NCAM1: variants seen among roughly 807,000 people sequenced by gnomAD.
NCAM1 encodes neural cell adhesion molecule 1.
A neutral mutation model predicts 109.8 loss-of-function variants in NCAM1; 14 were observed. The observed-to-expected ratio is 0.13, with a 90% confidence interval of 0.08 to 0.20. The LOEUF is 0.20. NCAM1 is among the 10% of genes least tolerant of loss of function. The pLI is 1.00. For missense variants in NCAM1, 774 were observed against 1,109.9 expected, an observed-to-expected ratio of 0.70 and a Z score of 4.30; for synonymous variants, 418 against 442.9, an observed-to-expected ratio of 0.94 and a Z score of 0.70.
chr11:113,275,096 C>T lies in NCAM1; in HGVS notation c.2457-171C>T, dbSNP rs183994534. Among the ~76,000 whole-genome samples the T allele has an allele frequency of 2.0e-4, 31 of 152,304 alleles. No individual in the cohort carries two copies. The East Asian group carries it at 3.5e-3, about 17-fold the overall frequency. On this transcript the variant is annotated intron_variant, in intron 19 of 19. Transcript: ENST00000316851. ...AATCAGGATTTCCGCGAACACAGCTCGGGCTTGGGTGATTTTTAGTGCTCC... is the reference window on the plus strand; with the variant it reads ...AATCAGGATTTCCGCGAACACAGCTTGGGCTTGGGTGATTTTTAGTGCTCC...
chr11:113,235,710 C>T (rs1007521758), intron 14 of NCAM1, among the ~76,000 whole-genome samples: 1 of 152,190 alleles, frequency 6.6e-6, no homozygotes, highest in Non-Finnish European at 1.5e-5. Flanking sequence ...CTTTTCTGCT[C>T]CTCTCCCTCC....
At chr11:113,039,789 A>G (rs1206841498) in intron 1 of NCAM1, among the ~76,000 whole-genome samples, 1 of 152,226 alleles carries the variant, frequency 6.6e-6, no homozygotes, top group Admixed American at 6.5e-5. Flanking sequence ...TTTTAATAAT[A>G]TATTCTGTTC....
intron 1 of NCAM1, among the ~76,000 whole-genome samples, chr11:113,018,815 A>T (rs11214460): frequency 0.14 from 20,741 of 152,102 alleles, 1,775 homozygotes; most frequent in South Asian, 0.4. Flanking sequence ...GTCATTATAA[A>T]ATTGCTAGGT....
Position 113,068,710 on chromosome 11 carries a change from A to T in NCAM1, c.52+107046A>T, listed in dbSNP as rs549121728. ...GTAAACATTCTACCAAAAGGATCTC[A>T]TTTCGAAACCAGGCCCTGCTTGTGA... is the stretch of plus-strand genomic sequence containing the variant. On this transcript the variant is annotated intron_variant, in intron 1 of 19. Transcript: ENST00000316851. 1.2e-4 allele frequency among the ~76,000 whole-genome samples: 19 copies of T among 152,126 alleles called. No individual in the cohort carries two copies. In the South Asian group the frequency reaches 4.0e-3, roughly 32 times the overall value.
chr11:113,024,253 G>A (rs1474680723), intron 1 of NCAM1, among the ~76,000 whole-genome samples: 2 of 152,162 alleles, frequency 1.3e-5, no homozygotes, highest in African/African-American at 4.8e-5. Context: ...TTCAAAGTTA[G>A]GGTAATTTGT....
intron 1 of NCAM1, among the ~76,000 whole-genome samples, chr11:113,008,586 A>G (rs1951949867): frequency 6.6e-6 from 1 of 152,164 alleles, no homozygotes; most frequent in African/African-American, 2.4e-5. Flanking sequence ...CTGCTTCTCA[A>G]AATTATGGTT....
intron 1 of NCAM1, among the ~76,000 whole-genome samples, chr11:113,085,467 A>C (rs1939037271): frequency 6.6e-6 from 1 of 152,222 alleles, no homozygotes; most frequent in African/African-American, 2.4e-5. Flanking sequence ...TGATGGATAT[A>C]GACAACATGA....
chr11:113,214,954 T>A (rs1310257481), intron 8 of NCAM1, among the ~76,000 whole-genome samples: 1 of 152,264 alleles, frequency 6.6e-6, no homozygotes, highest in Non-Finnish European at 1.5e-5. Flanking sequence ...ATACTCATGC[T>A]ATATATGCAC....
chr11:113,228,881 T>C (rs1246307986), intron 9 of NCAM1, among the ~76,000 whole-genome samples: 2 of 152,214 alleles, frequency 1.3e-5, no homozygotes, highest in African/African-American at 2.4e-5. Context: ...GCTAGCCATA[T>C]GTAGAAAGCT....
chr11:113,163,310 A>G (rs1461669910), intron 1 of NCAM1, among the ~76,000 whole-genome samples: 2 of 152,220 alleles, frequency 1.3e-5, no homozygotes, highest in Non-Finnish European at 2.9e-5. Flanking sequence ...AAAACCACCC[A>G]TGCTGCTGTT....
At chr11:113,239,062 G>A (rs560897404) in intron 14 of NCAM1, among the ~76,000 whole-genome samples, 2 of 152,322 alleles carry the variant, frequency 1.3e-5, no homozygotes, top group South Asian at 4.1e-4. Flanking sequence ...GCAGGGATGA[G>A]CAGGGGGAGC....
chr11:113,174,677 T>C (rs1438812198), intron 1 of NCAM1, among the ~76,000 whole-genome samples: 1 of 152,194 alleles, frequency 6.6e-6, no homozygotes, highest in East Asian at 1.9e-4. Flanking sequence ...AAAATTCATA[T>C]ATAGTATGCT....
Position 113,232,291 on chromosome 11 carries a change from G to A in NCAM1, c.1362G>A (p.Leu454=). Residue 454 remains leucine (L), a synonymous_variant, in exon 11 of 20, where the codon CTG becomes CTA. Transcript: ENST00000316851. ...ATISWFRDGQ[L]LPSSNYSNIK... is the part of the protein sequence containing the mutation. Reference sequence around the variant, plus strand: ...TCTCATGGTTTCGGGATGGCCAGCTGCTGCCAAGCTCCAATTACAGCAATA... The same window carrying A: ...TCTCATGGTTTCGGGATGGCCAGCTACTGCCAAGCTCCAATTACAGCAATA... The A allele has an allele frequency of 6.2e-7, 1 of 1,613,888 alleles. No homozygotes were observed. The highest frequency in any genetic ancestry group is 8.5e-7 in the Non-Finnish European group (1 of 1,179,836).
At chr11:113,231,420 AT>A in intron 9 of NCAM1, 1 of 1,028,604 alleles carries the variant, frequency 9.7e-7, no homozygotes, top group Non-Finnish European at 1.4e-6. Context: ...ACTGAGTCTC[AT>A]TTTCTGTTTC....
chr11:113,114,109 G>A (rs1031991499), intron 1 of NCAM1, among the ~76,000 whole-genome samples: 1 of 152,206 alleles, frequency 6.6e-6, no homozygotes, highest in African/African-American at 2.4e-5. Flanking sequence ...TTTGCCTTGT[G>A]TGATTTGATG....
intron 1 of NCAM1, among the ~76,000 whole-genome samples, chr11:113,196,695 G>T (rs1943864829): frequency 6.6e-6 from 1 of 152,140 alleles, no homozygotes; most frequent in Non-Finnish European, 1.5e-5. Context: ...CTAATAGGTG[G>T]CAGAGCTGAG....
At chr11:113,084,727 G>A (rs1555087913) in intron 1 of NCAM1, among the ~76,000 whole-genome samples, 3 of 152,168 alleles carry the variant, frequency 2.0e-5, no homozygotes, top group African/African-American at 7.2e-5. Context: ...AGACAGCTTA[G>A]CATTGTGGCT....
At chr11:113,226,783 A>G (rs1944864215) in intron 9 of NCAM1, among the ~76,000 whole-genome samples, 1 of 152,202 alleles carries the variant, frequency 6.6e-6, no homozygotes, top group African/African-American at 2.4e-5. Flanking sequence ...AACTCACTCA[A>G]AACCGCTCAA....
In NCAM1 at chr11:113,264,669, G is replaced by A. The variant is rs147179804; in HGVS notation, c.2131+4346G>A. Reference sequence around the variant, plus strand: ...TGATCCCAGGACCACCCACAGGAGAGGGGCAGTGTCCATCTTTCTGAAGGG... The same window carrying A: ...TGATCCCAGGACCACCCACAGGAGAAGGGCAGTGTCCATCTTTCTGAAGGG... On this transcript the variant is annotated intron_variant, in intron 17 of 19. Transcript: ENST00000316851. The A allele has an allele frequency of 8.7e-3, 8,616 of 985,522 alleles. 49 individuals are homozygous for A. The highest frequency in any genetic ancestry group is 9.6e-3 in the Non-Finnish European group (7,951 of 830,026). The allele number at this position is 985,522 out of a possible 1,614,324, so 61.0% of individuals were successfully genotyped here.
Sources: gnomAD v4.1 joint callset for allele counts (sites outside exome capture counted in the v4.1 genomes callset) on GRCh38, gnomAD v4.1.1 for gene constraint, MANE v1.5 for transcripts, NCBI Gene and HGNC (gene_info 2026-07-23, HGNC 2026-07-21) for gene names.